AFAP1: variants seen among roughly 807,000 people sequenced by gnomAD.
The protein encoded by AFAP1 is actin filament associated protein 1.
AFAP1 carries 75 observed loss-of-function variants against 93.9 expected under a neutral mutation model. The observed-to-expected ratio is 0.80, with a 90% CI of 0.66 to 0.97. The LOEUF is 0.97. Among genes scored for constraint, AFAP1 ranks in the 50% least tolerant of loss-of-function variants. The probability of loss-of-function intolerance (pLI) is 0.00; values close to 1 mark genes in which losing one functional copy is unlikely to be tolerated. For synonymous variants in AFAP1, 517 were observed against 430.7 expected, an observed-to-expected ratio of 1.20 and a Z score of -2.48; for missense variants, 1,201 against 1,050.8, an observed-to-expected ratio of 1.14 and a Z score of -1.98.
chr4:7,767,720 G>A (rs1403971275), intron 17 of AFAP1, among the ~76,000 whole-genome samples: 5 of 152,072 alleles, frequency 3.3e-5, no homozygotes, highest in Non-Finnish European at 5.9e-5. Context: ...GCAGGGGGGC[G>A]GCACTCATTC....
At chr4:7,834,088 G>GGCAT in intron 6 of AFAP1, among the ~76,000 whole-genome samples, 1 of 52,362 alleles carries the variant, frequency 1.9e-5, no homozygotes, top group African/African-American at 1.0e-4. Flanking sequence ...AAGAAACTGT[G>GGCAT]GCATACACAC....
chr4:7,809,035 C>T (rs894116648), intron 9 of AFAP1, among the ~76,000 whole-genome samples: 15 of 149,812 alleles, frequency 1.0e-4, no homozygotes, highest in Non-Finnish European at 1.9e-4. Flanking sequence ...CTAACAGTGA[C>T]GTGATAAGGA....
chr4:7,815,170 G>A (rs1044983685), intron 8 of AFAP1, among the ~76,000 whole-genome samples: 2 of 152,190 alleles, frequency 1.3e-5, no homozygotes, highest in Admixed American at 1.3e-4. Context: ...GACACGGCCT[G>A]TAGGACTCCA....
intron 9 of AFAP1, among the ~76,000 whole-genome samples, chr4:7,802,686 G>C (rs1235258546): frequency 1.4e-5 from 2 of 143,768 alleles, no homozygotes; most frequent in African/African-American, 5.2e-5. Context: ...CTGTAGCCCA[G>C]GCTGGCAGGC....
chr4:7,861,622 C>T (rs974841667), intron 3 of AFAP1, among the ~76,000 whole-genome samples: 1 of 152,240 alleles, frequency 6.6e-6, no homozygotes, highest in African/African-American at 2.4e-5. Context: ...CATGTCATCT[C>T]CCCTCCCTTT....
At chr4:7,877,611 C>T (rs1438800302) in intron 1 of AFAP1, among the ~76,000 whole-genome samples, 1 of 152,176 alleles carries the variant, frequency 6.6e-6, no homozygotes, top group African/African-American at 2.4e-5. Flanking sequence ...ATAATCTGCT[C>T]ACAGTCATAT....
intron 1 of AFAP1, among the ~76,000 whole-genome samples, chr4:7,874,080 G>A (rs1717308207): frequency 6.6e-6 from 1 of 152,188 alleles, no homozygotes; most frequent in South Asian, 2.1e-4. Flanking sequence ...AATGTCATAT[G>A]TTGACATTTA....
rs530301117 is a variant in AFAP1 at position 7,863,565 on chromosome 4, A to T, written c.225+5057T>A. Reference sequence around the variant, plus strand: ...TAAAGCAGAGTGTGAAACATGCTACATCCCACACGTGTGACTTCAAAAATT... The same window carrying T: ...TAAAGCAGAGTGTGAAACATGCTACTTCCCACACGTGTGACTTCAAAAATT... On this transcript the variant is annotated intron_variant, in intron 3 of 17. Coordinates refer to ENST00000420658, the MANE Select transcript of AFAP1 (RefSeq NM_001134647.2). Among the ~76,000 whole-genome samples, 22 of 152,336 alleles carry T rather than the reference A, an allele frequency of 1.4e-4. No individual in the cohort carries two copies. The East Asian group carries it at 4.1e-3, about 28-fold the overall frequency.
chr4:7,813,012 G>A (rs552019937), intron 8 of AFAP1, among the ~76,000 whole-genome samples: 14 of 152,216 alleles, frequency 9.2e-5, no homozygotes, highest in East Asian at 1.9e-4. Context: ...ATACTGTGTC[G>A]GTTTATTAGA....
chr4:7,826,485 G>C (rs563847425), intron 6 of AFAP1, among the ~76,000 whole-genome samples: 8 of 152,260 alleles, frequency 5.3e-5, no homozygotes, highest in African/African-American at 9.6e-5. Flanking sequence ...CAAAAAGCCA[G>C]AGGCAAGACT....
intron 9 of AFAP1, among the ~76,000 whole-genome samples, chr4:7,807,978 CCCCATTTAGGCGCT>C (rs1487169770): frequency 6.6e-6 from 1 of 152,180 alleles, no homozygotes; most frequent in Non-Finnish European, 1.5e-5. Context: ...GTGTGTATAG[CCCCATTTAGGCGCT>C]GTGGGGCAGG....
chr4:7,808,420 G>C (rs1719717636), intron 9 of AFAP1, among the ~76,000 whole-genome samples: 2 of 151,978 alleles, frequency 1.3e-5, no homozygotes, highest in African/African-American at 4.8e-5. Flanking sequence ...TGTTTCTGTG[G>C]TAACTGGGCT....
chr4:7,778,936 CT>C (rs557591959), intron 13 of AFAP1, 60 bp from the exon 14 acceptor site: 1,088 of 1,121,374 alleles, frequency 9.7e-4, no homozygotes, highest in Non-Finnish European at 1.1e-3. Flanking sequence ...AAATCTTGGT[CT>C]TTTTTTTTTC....
At chr4:7,863,860 T>C (rs73210866) in intron 3 of AFAP1, among the ~76,000 whole-genome samples, 47,059 of 150,192 alleles carry the variant, frequency 0.31, 8,971 homozygotes, top group Non-Finnish European at 0.44. Flanking sequence ...TAAAGTGCGG[T>C]TGTGCTTCAA....
Position 7,762,987 on chromosome 4 carries a change from T to TAA in AFAP1, c.*776_*777dup, listed in dbSNP as rs1714028196. On this transcript the variant is annotated 3_prime_UTR_variant, in exon 18 of 18. Coordinates refer to ENST00000420658, the MANE Select transcript of AFAP1 (RefSeq NM_001134647.2). ...GGAGGGTGTACTGTTAGTGAAGTATTAAAACCCTCTGCTACCTGTCAAAAG... is the reference window on the plus strand; with the variant it reads ...GGAGGGTGTACTGTTAGTGAAGTATTAAAAAACCCTCTGCTACCTGTCAAAAG... 1 of 152,160 alleles carries TAA rather than the reference T, an allele frequency of 6.6e-6. No individual in the cohort carries two copies. Among genetic ancestry groups the TAA allele is most frequent in the South Asian group, 2.1e-4 (1 of 4,828 alleles). The allele number at this position is 152,160 out of a possible 1,614,324, so 9.4% of individuals were successfully genotyped here.
At chr4:7,889,472 G>C (rs1483076490) in intron 1 of AFAP1, among the ~76,000 whole-genome samples, 2 of 143,330 alleles carry the variant, frequency 1.4e-5, no homozygotes, top group African/African-American at 5.2e-5. Flanking sequence ...AGAATCATTT[G>C]AACCCAGGAG....
chr4:7,773,126 T>A, intron 15 of AFAP1, 116 bp from the exon 16 acceptor site: 1 of 1,431,360 alleles, frequency 7.0e-7, no homozygotes, highest in Non-Finnish European at 9.2e-7. Context: ...CGAGCTCCCC[T>A]GACTTAGGTC....
chr4:7,878,412 T>TA (rs1717645254), intron 1 of AFAP1, among the ~76,000 whole-genome samples: 1 of 152,194 alleles, frequency 6.6e-6, no homozygotes, highest in Non-Finnish European at 1.5e-5. Flanking sequence ...CTTCCCCTTA[T>TA]ACCACCTCAG....
At chr4:7,777,199 CTA>C (rs1359882745) in intron 14 of AFAP1, 3 of 152,152 alleles carry the variant, frequency 2.0e-5, no homozygotes, top group African/African-American at 7.2e-5. Flanking sequence ...AGAAACAACA[CTA>C]AAAGAGGTGA....
Sources: gnomAD v4.1 joint callset for allele counts (sites outside exome capture counted in the v4.1 genomes callset) on GRCh38, gnomAD v4.1.1 for gene constraint, MANE v1.5 for transcripts, NCBI Gene and HGNC (gene_info 2026-07-23, HGNC 2026-07-21) for gene names.